LRRK2: variants seen among roughly 807,000 people sequenced by gnomAD.
The protein encoded by LRRK2 is leucine-rich repeat serine/threonine-protein kinase 2.
Under a neutral mutation model 302.6 loss-of-function variants are expected in LRRK2, and 203 were observed. That is an observed-to-expected ratio of 0.67 (90% confidence interval 0.60 to 0.75). The LOEUF is 0.75. Among genes scored for constraint, LRRK2 ranks in the 30% least tolerant of loss-of-function variants. The probability of loss-of-function intolerance (pLI) is 0.00; values close to 1 mark genes in which losing one functional copy is unlikely to be tolerated. For missense variants in LRRK2, 2,830 were observed against 2,951.0 expected, an observed-to-expected ratio of 0.96 and a Z score of 0.95; for synonymous variants, 1,066 against 1,031.9, an observed-to-expected ratio of 1.03 and a Z score of -0.63.
chr12:40,341,156 A>G (rs1195607634), intron 41 of LRRK2, among the ~76,000 whole-genome samples: 2 of 141,592 alleles, frequency 1.4e-5, no homozygotes, highest in East Asian at 4.2e-4. Flanking sequence ...TTGAGCAGGA[A>G]GTAAATCATT....
chr12:40,299,686 A>G (rs1176751131), intron 25 of LRRK2, among the ~76,000 whole-genome samples: 6 of 152,178 alleles, frequency 3.9e-5, no homozygotes, highest in African/African-American at 1.4e-4. Context: ...GTCAAAACCC[A>G]TAGAATGTGC....
chr12:40,303,980 T>C lies in LRRK2; in HGVS notation c.3623T>C (p.Ile1208Thr), dbSNP rs1944717952. ...LRSLDMSSNDIQYLPGPAHWK... is the reference protein window; with the variant it reads ...LRSLDMSSNDTQYLPGPAHWK... ...TCTTTAGATATGAGCAGCAATGATATTCAGTACCTACCAGGTCCCGCACAC... is the reference window on the plus strand; with the variant it reads ...TCTTTAGATATGAGCAGCAATGATACTCAGTACCTACCAGGTCCCGCACAC... Residue 1208 changes from isoleucine to threonine, a missense_variant, in exon 27 of 51, where the codon ATT becomes ACT. Around this residue, in one of 3 missense-constraint regions of LRRK2, gnomAD observed 2,121 missense variants for 2,148.0 expected, o/e 0.99. Transcript: ENST00000298910. 1 of 1,613,806 alleles carries C rather than the reference T, an allele frequency of 6.2e-7. No homozygotes were observed. The highest frequency in any genetic ancestry group is 8.5e-7 in the Non-Finnish European group (1 of 1,179,788).
chr12:40,327,436 T>C (rs981937730), intron 38 of LRRK2, among the ~76,000 whole-genome samples: 3 of 152,094 alleles, frequency 2.0e-5, no homozygotes, highest in African/African-American at 7.2e-5. Flanking sequence ...AACCCAGACA[T>C]TAGCGTTTTA....
chr12:40,357,163 C>T (rs529541732), intron 46 of LRRK2, among the ~76,000 whole-genome samples: 8 of 152,256 alleles, frequency 5.3e-5, no homozygotes, highest in African/African-American at 1.9e-4. Context: ...TTTTTTAGCT[C>T]CCACATATGA....
At chr12:40,254,031 A>G (rs921454213) in intron 11 of LRRK2, among the ~76,000 whole-genome samples, 3 of 152,322 alleles carry the variant, frequency 2.0e-5, no homozygotes, top group Admixed American at 1.3e-4. Context: ...AATGGCTTGT[A>G]TCCCTTTAGA....
At chr12:40,285,569 A>G (rs781294918) in intron 19 of LRRK2, among the ~76,000 whole-genome samples, 8 of 152,048 alleles carry the variant, frequency 5.3e-5, no homozygotes, top group African/African-American at 2.4e-5. Context: ...TGACCTCACA[A>G]TGTACTGTTA....
rs778994540 is a variant in LRRK2, at chr12:40,310,679, A to C, written c.4536+30A>C. On this transcript the variant is annotated intron_variant, in intron 31 of 50. Transcript: ENST00000298910. ...CATGGTAGGCTGGTAGAGAAATGTAATTTATTGATTCTCAACTGCCTAGAA... is the reference window on the plus strand; with the variant it reads ...CATGGTAGGCTGGTAGAGAAATGTACTTTATTGATTCTCAACTGCCTAGAA... 7 of 1,602,186 alleles carry C rather than the reference A, an allele frequency of 4.4e-6. No individual in the cohort carries two copies. The South Asian group carries it at 7.7e-5, about 18-fold the overall frequency.
chr12:40,355,209 A>T (rs548510001), intron 45 of LRRK2, among the ~76,000 whole-genome samples: 2 of 152,332 alleles, frequency 1.3e-5, no homozygotes, highest in South Asian at 4.1e-4. Context: ...TCGGAGTTGA[A>T]ATTATTTGAA....
chr12:40,243,578 C>T lies in LRRK2; in HGVS notation c.735C>T (p.Gly245=). ...ATAATGTGGAAGTCCTCATGAGTGG[C>T]AATGTCAGGTGTTATAATATTGTGG... ...PCNNVEVLMS[G]NVRCYNIVVE... is the part of the protein sequence containing the mutation. The change falls in exon 7 of 51, where the codon GGC becomes GGT. Residue 245 remains glycine (G), a synonymous_variant. Coordinates refer to ENST00000298910, the MANE Select transcript of LRRK2 (RefSeq NM_198578.4). The T allele has an allele frequency of 6.2e-7, 1 of 1,611,746 alleles. No homozygotes were observed.
chr12:40,243,684 G>A lies in LRRK2; in HGVS notation c.838+3G>A. Reference sequence around the variant, plus strand: ...TTTGCTCCATAGGCTTACATTAGGTGAGTTTCTTAGTTAATATGTCATCAC... The same window carrying A: ...TTTGCTCCATAGGCTTACATTAGGTAAGTTTCTTAGTTAATATGTCATCAC... On this transcript the variant is annotated splice_donor_region_variant and intron_variant, in intron 7 of 50. Transcript: ENST00000298910. 6.2e-7 allele frequency: 1 copy of A among 1,610,538 alleles called. No homozygotes were observed. The highest frequency in any genetic ancestry group is 8.5e-7 in the Non-Finnish European group (1 of 1,177,662).
chr12:40,309,467 A>G (rs749126670), intron 30 of LRRK2, among the ~76,000 whole-genome samples: 25 of 152,108 alleles, frequency 1.6e-4, no homozygotes, highest in Non-Finnish European at 3.1e-4. Flanking sequence ...AAACTCTTTT[A>G]TGCTGTAAAA....
intron 41 of LRRK2, among the ~76,000 whole-genome samples, chr12:40,343,570 C>T (rs1946111797): frequency 6.6e-6 from 1 of 152,170 alleles, no homozygotes; most frequent in African/African-American, 2.4e-5. Flanking sequence ...ATAAATTTCT[C>T]TTATCCTTCA....
intron 23 of LRRK2, among the ~76,000 whole-genome samples, chr12:40,295,924 A>G (rs865821239): frequency 7.2e-5 from 11 of 152,194 alleles, no homozygotes; most frequent in Admixed American, 2.0e-4. Context: ...TTATACTTTA[A>G]TCATTTAATT....
At chr12:40,289,223 T>C (rs896834301) in intron 20 of LRRK2, among the ~76,000 whole-genome samples, 1 of 151,734 alleles carries the variant, frequency 6.6e-6, no homozygotes, top group Non-Finnish European at 1.5e-5. Context: ...ACTATTTAGG[T>C]ATGGTTCTAT....
intron 28 of LRRK2, among the ~76,000 whole-genome samples, chr12:40,307,781 C>CTT (rs201473630): frequency 0.045 from 5,395 of 119,344 alleles, 349 homozygotes; most frequent in Admixed American, 0.12. Context: ...CTTTTCTTTT[C>CTT]TTTTTTTTTT....
At position 40,310,557 on chromosome 12, in the gene LRRK2, A is replaced by G; in HGVS notation, c.4444A>G (p.Ile1482Val). The change falls in exon 31 of 51, where the codon ATA (isoleucine) becomes GTA (valine). Residue 1482 changes from isoleucine (I) to valine (V), a missense_variant. Physicochemically the swap from Ile to Val is conservative, Grantham distance 29. Around this residue, in one of 3 missense-constraint regions of LRRK2, gnomAD observed 2,121 missense variants for 2,148.0 expected, o/e 0.99. Coordinates refer to ENST00000298910, the MANE Select transcript of LRRK2 (RefSeq NM_198578.4). ...CCTGAATAAGCGAGGGTTCCCTGCC[A>G]TACGAGATTACCACTTTGTGAATGC... ...ELLNKRGFPA[I>V]RDYHFVNATE... 6.2e-7 allele frequency: 1 copy of G among 1,612,692 alleles called. No homozygotes were observed. Among genetic ancestry groups the G allele is most frequent in the Non-Finnish European group, 8.5e-7 (1 of 1,179,680 alleles).
chr12:40,242,537 A>G (rs1941777760), intron 6 of LRRK2, among the ~76,000 whole-genome samples: 1 of 151,156 alleles, frequency 6.6e-6, no homozygotes, highest in Non-Finnish European at 1.5e-5. Flanking sequence ...CTTTTCTTCC[A>G]CCTATTTTGG....
At chr12:40,346,313 T>G (rs1468311908) in intron 41 of LRRK2, among the ~76,000 whole-genome samples, 1 of 151,966 alleles carries the variant, frequency 6.6e-6, no homozygotes, top group Non-Finnish European at 1.5e-5. Flanking sequence ...TGAGTTGGAG[T>G]GAAGTTTAGA....
chr12:40,326,339 G>T (rs750669947), intron 38 of LRRK2, among the ~76,000 whole-genome samples: 1 of 151,726 alleles, frequency 6.6e-6, no homozygotes, highest in Admixed American at 6.6e-5. Flanking sequence ...TGGTGTGGGC[G>T]GCTGTAGTCC....
Sources: gnomAD v4.1 joint callset for allele counts (sites outside exome capture counted in the v4.1 genomes callset) on GRCh38, gnomAD v4.1.1 for gene constraint, gnomAD v4.1.1 regional missense constraint, MANE v1.5 for transcripts, NCBI Gene and HGNC (gene_info 2026-07-23, HGNC 2026-07-21) for gene names.